AMMECR1L: variants seen among roughly 807,000 people sequenced by gnomAD.
The protein encoded by AMMECR1L is AMMECR1 like.
In AMMECR1L, 4 loss-of-function variants were observed where a neutral mutation model predicts 36.8. That is an observed-to-expected ratio of 0.11 (90% CI 0.05 to 0.25). The LOEUF is 0.25. Among genes scored for constraint, AMMECR1L ranks in the 10% least tolerant of loss-of-function variants. The pLI, the probability that AMMECR1L is intolerant of heterozygous loss-of-function variation, is 1.00. For missense variants in AMMECR1L, 232 were observed against 392.1 expected, an observed-to-expected ratio of 0.59 and a Z score of 3.45; for synonymous variants, 147 against 148.0, an observed-to-expected ratio of 0.99 and a Z score of 0.05.
At position 127,869,625 on chromosome 2, in the gene AMMECR1L, T is replaced by G; in HGVS notation, c.634-81A>C. On this transcript the variant is annotated intron_variant, in intron 5 of 7. Coordinates refer to ENST00000272647, the MANE Select transcript of AMMECR1L (RefSeq NM_001199140.2). The surrounding 1 kb of genome is among the most constrained non-coding windows in gnomAD (Gnocchi z 4.7). ...AGTCCCCACATATAAATCAACATTG[T>G]TCCCTGACCAGCTTAACACAGGCCT... 1 of 1,172,684 alleles carries G rather than the reference T, an allele frequency of 8.5e-7. No homozygotes were observed. The highest frequency in any genetic ancestry group is 1.3e-6 in the Non-Finnish European group (1 of 783,834). 72.6% of individuals were successfully genotyped at this position (1,172,684 alleles called of 1,614,324 possible).
At chr2:127,876,213 G>T (rs1573555321) in intron 2 of AMMECR1L, among the ~76,000 whole-genome samples, 1 of 152,046 alleles carries the variant, frequency 6.6e-6, no homozygotes, top group Admixed American at 6.6e-5. Flanking sequence ...AGCTGAGCAT[G>T]GTGGCACATG....
At chr2:127,879,531 C>T (rs1691397055) in intron 2 of AMMECR1L, among the ~76,000 whole-genome samples, 1 of 152,130 alleles carries the variant, frequency 6.6e-6, no homozygotes, top group Non-Finnish European at 1.5e-5. Flanking sequence ...AAATAAGTTA[C>T]CAGTCCCAGG....
Position 127,865,678 on chromosome 2 carries a change from G to A in AMMECR1L, c.822-473C>T, listed in dbSNP as rs541881122. 2.0e-5 allele frequency among the ~76,000 whole-genome samples: 3 copies of A among 152,348 alleles called. No individual in the cohort carries two copies. The highest frequency in any genetic ancestry group is 1.3e-4 in the Admixed American group (2 of 15,308). ...AGTTATTATAACTAAAAGGGACACA[G>A]ATACCTAATTCTGGGTCAAAGTCTG... is the stretch of plus-strand genomic sequence containing the variant. On this transcript the variant is annotated intron_variant, in intron 7 of 7. Coordinates refer to ENST00000272647, the MANE Select transcript of AMMECR1L (RefSeq NM_001199140.2). This position sits in a 1 kb window ranked among gnomAD's most constrained non-coding sequence, Gnocchi z 5.4.
Position 127,866,893 on chromosome 2 carries a change from G to A in AMMECR1L, c.821+7C>T, listed in dbSNP as rs1690711282. On this transcript the variant is annotated splice_region_variant and intron_variant, in intron 7 of 7. Coordinates refer to ENST00000272647, the MANE Select transcript of AMMECR1L (RefSeq NM_001199140.2). ...GAAATGATAAGGAAAACAAGACAAT[G>A]GCTTACCTGGTGAGTTTGATCGTTT... 20 of 1,612,438 alleles carry A rather than the reference G, an allele frequency of 1.2e-5. No homozygotes were observed. The highest frequency in any genetic ancestry group is 1.5e-5 in the Non-Finnish European group (18 of 1,178,560).
At position 127,873,730 on chromosome 2, in the gene AMMECR1L, A is replaced by G; in HGVS notation, c.407+98T>C. ...CTTCCCATTACCCTTTCCTCAAATG[A>G]TAATAAAGACTTCCAAGTAGCAGAC... On this transcript the variant is annotated intron_variant, in intron 3 of 7. Coordinates refer to ENST00000272647, the MANE Select transcript of AMMECR1L (RefSeq NM_001199140.2). The surrounding 1 kb of genome is among the most constrained non-coding windows in gnomAD (Gnocchi z 5.2). 1.3e-6 allele frequency: 2 copies of G among 1,589,356 alleles called. No individual in the cohort carries two copies. The highest frequency in any genetic ancestry group is 1.4e-5 in the African/African-American group (1 of 73,594).
At chr2:127,884,819 T>A (rs1391981327) in intron 1 of AMMECR1L, 3 of 152,204 alleles carry the variant, frequency 2.0e-5, no homozygotes, top group African/African-American at 4.8e-5. Flanking sequence ...GGGTCATCCA[T>A]CCTTAGTCTC....
intron 2 of AMMECR1L, among the ~76,000 whole-genome samples, chr2:127,882,171 G>C (rs1296830998): frequency 6.6e-6 from 1 of 152,168 alleles, no homozygotes; most frequent in Non-Finnish European, 1.5e-5. Flanking sequence ...GAAAAATCTA[G>C]ATTCACCTTT....
At chr2:127,880,718 G>A (rs144874017) in intron 2 of AMMECR1L, among the ~76,000 whole-genome samples, 10 of 151,984 alleles carry the variant, frequency 6.6e-5, no homozygotes, top group African/African-American at 2.2e-4. Context: ...CTGAGAGGCC[G>A]CAGGGCATCT....
At chr2:127,885,212 TGC>T (rs1691704783) in intron 1 of AMMECR1L, 1 of 982,712 alleles carries the variant, frequency 1.0e-6, no homozygotes, top group Non-Finnish European at 1.2e-6. Context: ...GAGGAGAAAG[TGC>T]GCGTGTGAAG....
In AMMECR1L at chr2:127,874,399, C is replaced by T. The variant is rs1009812242; in HGVS notation, c.-38-127G>A. ...CAAATTCTTTCTCCCACTCAACCTC[C>T]AGGTCACAGACCAGGAGAAGAAACC... is the stretch of plus-strand genomic sequence containing the variant. On this transcript the variant is annotated intron_variant, in intron 2 of 7. Coordinates refer to ENST00000272647, the MANE Select transcript of AMMECR1L (RefSeq NM_001199140.2). The surrounding 1 kb of genome is among the most constrained non-coding windows in gnomAD (Gnocchi z 5.2). 3.5e-6 allele frequency: 3 copies of T among 867,884 alleles called. No individual in the cohort carries two copies. The highest frequency in any genetic ancestry group is 5.2e-6 in the Non-Finnish European group (3 of 580,868). The allele number at this position is 867,884 out of a possible 1,614,324, so 53.8% of individuals were successfully genotyped here. A position where few individuals can be genotyped will look rare whatever the true frequency, so the allele number is the denominator to read the frequency against.
chr2:127,878,378 C>T (rs1311220779), intron 2 of AMMECR1L, among the ~76,000 whole-genome samples: 1 of 152,180 alleles, frequency 6.6e-6, no homozygotes, highest in Non-Finnish European at 1.5e-5. Flanking sequence ...GGCTCTGAGG[C>T]TCTGCACCTC....
At chr2:127,875,516 C>A (rs753196892) in intron 2 of AMMECR1L, among the ~76,000 whole-genome samples, 21 of 152,242 alleles carry the variant, frequency 1.4e-4, no homozygotes, top group Non-Finnish European at 3.1e-4. Context: ...GGTGTAAATT[C>A]TTCAACCTTT....
intron 2 of AMMECR1L, among the ~76,000 whole-genome samples, chr2:127,880,717 C>T (rs149880511): frequency 2.6e-5 from 4 of 152,032 alleles, no homozygotes; most frequent in African/African-American, 4.8e-5. Flanking sequence ...CCTGAGAGGC[C>T]GCAGGGCATC....
In AMMECR1L at chr2:127,874,172, G is replaced by C. The variant is rs774911630; in HGVS notation, c.63C>G (p.Val21=). The part of the protein sequence containing the change: ...EPKLAAGCCG[V]KKPKLSGSGT... ...CACTTCCAGATAATTTGGGCTTCTT[G>C]ACCCCACAACAGCCTGCTGCCAACT... Residue 21 remains valine, a synonymous_variant, in exon 3 of 8, where the codon GTC becomes GTG. Transcript: ENST00000272647. This position sits in a 1 kb window ranked among gnomAD's most constrained non-coding sequence, Gnocchi z 5.2. 3 of 1,614,130 alleles carry C rather than the reference G, an allele frequency of 1.9e-6. No homozygotes were observed. The highest frequency in any genetic ancestry group is 1.7e-5 in the Admixed American group (1 of 60,014).
At chr2:127,878,665 C>T (rs1691355778) in intron 2 of AMMECR1L, among the ~76,000 whole-genome samples, 1 of 152,128 alleles carries the variant, frequency 6.6e-6, no homozygotes, top group Admixed American at 6.5e-5. Context: ...ATCACTGATC[C>T]GCAGTGGGTC....
At chr2:127,877,488 A>T (rs1357511746) in intron 2 of AMMECR1L, among the ~76,000 whole-genome samples, 1 of 152,048 alleles carries the variant, frequency 6.6e-6, no homozygotes, top group Non-Finnish European at 1.5e-5. Flanking sequence ...AGCACGTGCC[A>T]TCATGTCTGG....
In AMMECR1L at chr2:127,862,206, T is replaced by A. The variant is rs1166370676; in HGVS notation, c.*2888A>T. The A allele has an allele frequency of 3.9e-5, 6 of 153,828 alleles. No homozygotes were observed. Among genetic ancestry groups the A allele is most frequent in the Admixed American group, 3.3e-4 (5 of 15,286 alleles). The allele number at this position is 153,828 out of a possible 1,614,324, so 9.5% of individuals were successfully genotyped here. A position where few individuals can be genotyped will look rare whatever the true frequency, so the allele number is the denominator to read the frequency against. On this transcript the variant is annotated 3_prime_UTR_variant, in exon 8 of 8. Transcript: ENST00000272647. The stretch of plus-strand genomic sequence containing the variant: ...GCCAACTTTCCAGACCAAAAGGCAC[T>A]CACAGCTAGGGATGAAACGAACTCC...
In AMMECR1L at chr2:127,873,309, C is replaced by T; in HGVS notation, c.407+519G>A. 1.1e-5 allele frequency: 11 copies of T among 985,468 alleles called. No individual in the cohort carries two copies. Among genetic ancestry groups the T allele is most frequent in the Non-Finnish European group, 1.3e-5 (11 of 829,934 alleles). 61.0% of individuals were successfully genotyped at this position (985,468 alleles called of 1,614,324 possible). On this transcript the variant is annotated intron_variant, in intron 3 of 7. Transcript: ENST00000272647. This position sits in a 1 kb window ranked among gnomAD's most constrained non-coding sequence, Gnocchi z 5.2. Reference sequence around the variant, plus strand: ...AACAAAGAATCTTGAACTAAAAATACTGAAGCAGATTCTGACTTCTTGATG... The same window carrying T: ...AACAAAGAATCTTGAACTAAAAATATTGAAGCAGATTCTGACTTCTTGATG...
chr2:127,882,765 T>A (rs1045967867), intron 2 of AMMECR1L, among the ~76,000 whole-genome samples: 1 of 151,578 alleles, frequency 6.6e-6, no homozygotes, highest in Non-Finnish European at 1.5e-5. Flanking sequence ...GGCCAATTTT[T>A]AAAAATTTTT....
Sources: allele counts gnomAD v4.1 joint callset (sites outside exome capture counted in the v4.1 genomes callset), GRCh38; gene constraint gnomAD v4.1.1; non-coding constraint Gnocchi (gnomAD v3.1); transcripts MANE v1.5; gene names NCBI Gene and HGNC (gene_info 2026-07-23, HGNC 2026-07-21).